Variants in GLI2 observed in about 807,000 individuals in gnomAD.
GLI2 encodes the protein GLI family zinc finger 2.
GLI2 carries 22 observed loss-of-function variants against 78.9 expected under a neutral mutation model. The ratio of observed to expected loss-of-function variants is 0.28; its 90% CI spans 0.20 to 0.40. The LOEUF (loss-of-function observed/expected upper bound fraction) is 0.40, where lower values mean the gene tolerates loss of function less well. Among genes scored for constraint, GLI2 ranks in the 10% least tolerant of loss-of-function variants. The probability of loss-of-function intolerance (pLI) is 1.00; values close to 1 mark genes in which losing one functional copy is unlikely to be tolerated. For missense variants in GLI2, 2,097 were observed against 2,213.2 expected, an observed-to-expected ratio of 0.95 and a Z score of 1.05; for synonymous variants, 974 against 963.7, an observed-to-expected ratio of 1.01 and a Z score of -0.20.
At position 120,989,931 on chromosome 2, in the gene GLI2, G is replaced by C. The variant is rs1372738733; in HGVS notation, c.3966G>C (p.Gln1322His). The C allele has an allele frequency of 1.2e-6, 2 of 1,611,986 alleles. No homozygotes were observed. Among genetic ancestry groups the C allele is most frequent in the Non-Finnish European group, 1.7e-6 (2 of 1,179,608 alleles). Reference protein sequence around the residue: ...AASMSQEGYHQVPSLLPARQP... With the variant: ...AASMSQEGYHHVPSLLPARQP... ...CCATGAGCCAGGAGGGCTACCACCA[G>C]GTCCCCAGCCTTCTGCCTGCCCGCC... Residue 1322 changes from glutamine (Q) to histidine (H), a missense_variant, in exon 14 of 14, where the codon CAG becomes CAC. Around this residue, in one of 5 missense-constraint regions of GLI2, gnomAD observed 1,290 missense variants for 1,261.7 expected, o/e 1.02. Coordinates refer to ENST00000361492, the MANE Select transcript of GLI2 (RefSeq NM_001374353.1).
In GLI2 at chr2:120,970,526, C is replaced by A; in HGVS notation, c.979C>A (p.Gln327Lys). 1 of 1,614,126 alleles carries A rather than the reference C, an allele frequency of 6.2e-7. No homozygotes were observed. Among genetic ancestry groups the A allele is most frequent in the Non-Finnish European group, 8.5e-7 (1 of 1,179,974 alleles). Residue 327 changes from glutamine (Q) to lysine (K), a missense_variant, in exon 7 of 14, where the codon CAG (glutamine) becomes AAG (lysine). Around this residue, in one of 5 missense-constraint regions of GLI2, gnomAD observed 578 missense variants for 612.0 expected, o/e 0.94. Coordinates refer to ENST00000361492, the MANE Select transcript of GLI2 (RefSeq NM_001374353.1). The part of the protein sequence containing the change: ...IQPSPTFLAQ[Q>K]PMALTSINAT... ...GCCCTCACCCACCTTCCTGGCCCAG[C>A]AGCCCATGGCCCTCACCTCCATCAA... is the stretch of plus-strand genomic sequence containing the variant.
chr2:120,901,010 G>A (rs527501555), intron 2 of GLI2, among the ~76,000 whole-genome samples: 22 of 152,296 alleles, frequency 1.4e-4, no homozygotes, highest in Admixed American at 9.8e-4. Flanking sequence ...TTGTACCAGG[G>A]TATGTTCTTT....
intron 1 of GLI2, among the ~76,000 whole-genome samples, chr2:120,773,938 C>A (rs1683600885): frequency 7.4e-6 from 1 of 135,602 alleles, no homozygotes; most frequent in Admixed American, 7.3e-5. Flanking sequence ...TCCTTCCCTC[C>A]CTCCCTCCCT....
At chr2:120,885,431 G>A (rs1677348901) in intron 2 of GLI2, among the ~76,000 whole-genome samples, 2 of 152,340 alleles carry the variant, frequency 1.3e-5, no homozygotes, top group South Asian at 4.1e-4. Context: ...TCCGAGGGTG[G>A]CTCCCCTGAG....
At chr2:120,945,080 A>T (rs1483117325) in intron 3 of GLI2, among the ~76,000 whole-genome samples, 1 of 152,220 alleles carries the variant, frequency 6.6e-6, no homozygotes, top group Non-Finnish European at 1.5e-5. Context: ...AGGGAGGGAA[A>T]GAGGGAAGAG....
intron 1 of GLI2, among the ~76,000 whole-genome samples, chr2:120,775,993 C>G (rs895777451): frequency 3.3e-5 from 5 of 152,238 alleles, no homozygotes; most frequent in Admixed American, 1.3e-4. Context: ...AAATCGCTTT[C>G]CTGGGCTTAG....
intron 2 of GLI2, among the ~76,000 whole-genome samples, chr2:120,859,580 G>C (rs1334190082): frequency 6.6e-6 from 1 of 151,516 alleles, no homozygotes; most frequent in African/African-American, 2.4e-5. Flanking sequence ...TCAGCCTCCG[G>C]AGTAGCTGGG....
In GLI2 at chr2:120,800,792, C is replaced by T. The variant is rs913136657; in HGVS notation, c.148+3324C>T. ...AAGTGCCGGGATTACAGGTGTGAGCCACCGCACCCGGCCGAAAGGGATGAC... is the reference window on the plus strand; with the variant it reads ...AAGTGCCGGGATTACAGGTGTGAGCTACCGCACCCGGCCGAAAGGGATGAC... On this transcript the variant is annotated intron_variant, in intron 2 of 13. Transcript: ENST00000361492. The surrounding 1 kb of genome is among the most constrained non-coding windows in gnomAD (Gnocchi z 4.1). Among the ~76,000 whole-genome samples, 3 of 152,164 alleles carry T rather than the reference C, an allele frequency of 2.0e-5. No individual in the cohort carries two copies. The highest frequency in any genetic ancestry group is 1.3e-4 in the Admixed American group (2 of 15,272).
At position 120,992,608 on chromosome 2, in the gene GLI2, A is replaced by G. The variant is rs1207096489; in HGVS notation, c.*1933A>G. The G allele has an allele frequency of 6.6e-6, 1 of 152,226 alleles. No homozygotes were observed. Among genetic ancestry groups the G allele is most frequent in the Non-Finnish European group, 1.5e-5 (1 of 68,040 alleles). The allele number at this position is 152,226 out of a possible 1,614,324, so 9.4% of individuals were successfully genotyped here. On this transcript the variant is annotated 3_prime_UTR_variant, in exon 14 of 14. Coordinates refer to ENST00000361492, the MANE Select transcript of GLI2 (RefSeq NM_001374353.1). Reference sequence around the variant, plus strand: ...GCTGTATTTTTTCTTAACAGTGTCAAAATTGACTATCCCGCCTTTGCCAAG... The same window carrying G: ...GCTGTATTTTTTCTTAACAGTGTCAGAATTGACTATCCCGCCTTTGCCAAG...
rs181464822 is a variant in GLI2 at position 120,812,200 on chromosome 2, A to G, written c.148+14732A>G. 3.2e-3 allele frequency among the ~76,000 whole-genome samples: 485 copies of G among 152,294 alleles called. 4 individuals carry two copies. Among genetic ancestry groups the G allele is most frequent in the African/African-American group, 0.011 (454 of 41,564 alleles). ...TCTGCTGTGGGAGGAGAAGAAACTC[A>G]TCCCGAAGCCAGCTGCAGGCTGAAG... is the stretch of plus-strand genomic sequence containing the variant. On this transcript the variant is annotated intron_variant, in intron 2 of 13. Coordinates refer to ENST00000361492, the MANE Select transcript of GLI2 (RefSeq NM_001374353.1).
intron 2 of GLI2, among the ~76,000 whole-genome samples, chr2:120,854,925 G>A (rs1274750563): frequency 6.6e-6 from 1 of 152,214 alleles, no homozygotes; most frequent in Admixed American, 6.5e-5. Context: ...TCAGCCCAGG[G>A]CTGGGCACTC....
At chr2:120,775,914 C>T (rs1418054335) in intron 1 of GLI2, among the ~76,000 whole-genome samples, 3 of 152,244 alleles carry the variant, frequency 2.0e-5, no homozygotes, top group African/African-American at 7.2e-5. Context: ...TTCCCCCGGG[C>T]TCCCATCCCT....
intron 5 of GLI2, among the ~76,000 whole-genome samples, chr2:120,965,124 C>T (rs970202490): frequency 1.3e-5 from 2 of 152,198 alleles, no homozygotes; most frequent in African/African-American, 4.8e-5. Flanking sequence ...CAGAGGAGCA[C>T]GCTCCAGCCA....
chr2:120,946,429 C>T (rs1028497278), intron 3 of GLI2, among the ~76,000 whole-genome samples: 20 of 152,126 alleles, frequency 1.3e-4, no homozygotes, highest in African/African-American at 4.3e-4. Context: ...AGGGTGTGCA[C>T]ATGTGTATCT....
chr2:120,977,236 A>G (rs1187196779), intron 9 of GLI2, among the ~76,000 whole-genome samples: 2 of 152,250 alleles, frequency 1.3e-5, no homozygotes, highest in Non-Finnish European at 2.9e-5. Context: ...ATTACAGGCC[A>G]CAAATGCCAG....
intron 2 of GLI2, among the ~76,000 whole-genome samples, chr2:120,918,793 A>G (rs1443518502): frequency 2.0e-5 from 3 of 152,210 alleles, no homozygotes; most frequent in Non-Finnish European, 2.9e-5. Context: ...TATTTTACAG[A>G]TGATGAAACT....
chr2:120,770,517 G>A (rs1683491685), intron 1 of GLI2, among the ~76,000 whole-genome samples: 1 of 152,198 alleles, frequency 6.6e-6, no homozygotes, highest in South Asian at 2.1e-4. Context: ...ATGACACCAG[G>A]GAAGGTGCTC....
intron 5 of GLI2, among the ~76,000 whole-genome samples, chr2:120,957,806 TC>T (rs1284360974): frequency 6.6e-6 from 1 of 152,264 alleles, no homozygotes; most frequent in African/African-American, 2.4e-5. Context: ...AACACATTCT[TC>T]CATGTAATTC....
rs565746378 is a variant in GLI2 at position 120,781,600 on chromosome 2, C to T, written c.-30-15691C>T. Among the ~76,000 whole-genome samples, 15 of 151,910 alleles carry T rather than the reference C, an allele frequency of 9.9e-5. No homozygotes were observed. The South Asian group carries it at 2.1e-3, about 21-fold the overall frequency. On this transcript the variant is annotated intron_variant, in intron 1 of 13. Coordinates refer to ENST00000361492, the MANE Select transcript of GLI2 (RefSeq NM_001374353.1). ...GATGTTTTACATTAAAGAACATTACCGGCCAGGTGCGGTGGCTTACGCCTG... is the reference window on the plus strand; with the variant it reads ...GATGTTTTACATTAAAGAACATTACTGGCCAGGTGCGGTGGCTTACGCCTG...
Sources: allele counts gnomAD v4.1 joint callset (sites outside exome capture counted in the v4.1 genomes callset), GRCh38; gene constraint gnomAD v4.1.1; regional missense constraint gnomAD v4.1.1; non-coding constraint Gnocchi (gnomAD v3.1); transcripts MANE v1.5; gene names NCBI Gene and HGNC (gene_info 2026-07-23, HGNC 2026-07-21).